HK1: variants seen among roughly 807,000 people sequenced by gnomAD.
HK1 encodes the protein hexokinase 1.
HK1 carries 28 observed loss-of-function variants against 91.6 expected under a neutral mutation model. The observed-to-expected ratio is 0.31, with a 90% CI of 0.23 to 0.42. HK1 has a LOEUF of 0.42. Among genes scored for constraint, HK1 ranks in the 10% least tolerant of loss-of-function variants. The pLI is 1.00. For synonymous variants in HK1, 430 were observed against 468.1 expected (o/e 0.92, Z 1.05); for missense variants, 770 against 1,219.8 (o/e 0.63, Z 5.49).
intron 1 of HK1, among the ~76,000 whole-genome samples, chr10:69,320,928 C>T (rs373327364): frequency 1.1e-4 from 16 of 152,300 alleles, no homozygotes; most frequent in African/African-American, 2.9e-4. Context: ...CCTAGGCCCC[C>T]GTAGGTACCT....
rs886212882 is a variant in HK1 at position 69,299,264 on chromosome 10, G to A, written c.-66-1505G>A. 7.9e-5 allele frequency among the ~76,000 whole-genome samples: 12 copies of A among 151,506 alleles called. 1 individual carries two copies. Among genetic ancestry groups the A allele is most frequent in the African/African-American group, 2.7e-4 (11 of 41,012 alleles). On this transcript the variant is annotated intron_variant, in intron 4 of 21. Coordinates refer to the HK1 transcript ENST00000360289. ...CTTGGCTCACTGCAGCCTCCACCCC[G>A]TGGGCTCAAGTGACCCTCCCACCTG... is the stretch of plus-strand genomic sequence containing the variant.
At chr10:69,300,231 A>C (rs1380026090) in intron 4 of HK1, among the ~76,000 whole-genome samples, 1 of 151,860 alleles carries the variant, frequency 6.6e-6, no homozygotes, top group Non-Finnish European at 1.5e-5. Context: ...CTGTCCTGAC[A>C]GTATCACTAT....
intron 1 of HK1, among the ~76,000 whole-genome samples, chr10:69,331,200 A>T (rs1481768941): frequency 6.6e-6 from 1 of 151,990 alleles, no homozygotes; most frequent in Non-Finnish European, 1.5e-5. Context: ...GTTTCTTTGG[A>T]CCTTCATTTC....
At chr10:69,293,256 C>T (rs1213680996) in intron 3 of HK1, among the ~76,000 whole-genome samples, 1 of 152,150 alleles carries the variant, frequency 6.6e-6, no homozygotes, top group Non-Finnish European at 1.5e-5. Context: ...AGCCAGATGC[C>T]CTGGGCATGT....
At chr10:69,342,435 C>T (rs114184835) in intron 1 of HK1, among the ~76,000 whole-genome samples, 149 of 152,182 alleles carry the variant, frequency 9.8e-4, no homozygotes, top group African/African-American at 3.3e-3. Flanking sequence ...TTGATTTGAA[C>T]CTTGAAGGTT....
At chr10:69,300,412 A>T in intron 4 of HK1, 2 of 640,002 alleles carry the variant, frequency 3.1e-6, no homozygotes, top group Non-Finnish European at 2.7e-6. Context: ...TTTTATTTGT[A>T]AATATGTATA....
rs1845436637 is a variant in HK1, at chr10:69,294,120, C to CA, written c.-114-1510dup. Among the ~76,000 whole-genome samples, 3 of 152,206 alleles carry CA rather than the reference C, an allele frequency of 2.0e-5. No individual in the cohort carries two copies. In the South Asian group the frequency reaches 6.2e-4, roughly 32 times the overall value. On this transcript the variant is annotated intron_variant, in intron 3 of 21. Coordinates refer to the HK1 transcript ENST00000360289. ...TTGTGATCCACCCGCCTCGGCCTCC[C>CA]AAAGTGCTGGGATTACAGGCGTGAG...
chr10:69,360,640 C>A (rs1849372662), intron 3 of HK1, among the ~76,000 whole-genome samples: 2 of 152,196 alleles, frequency 1.3e-5, no homozygotes, highest in Admixed American at 1.3e-4. Context: ...CCACGCTGGG[C>A]CCCCAGGAAG....
At chr10:69,289,588 C>T (rs914651655) in intron 3 of HK1, among the ~76,000 whole-genome samples, 5 of 143,678 alleles carry the variant, frequency 3.5e-5, no homozygotes, top group Non-Finnish European at 7.4e-5. Flanking sequence ...TCTTGTGCCT[C>T]AGCCTCCCTA....
intron 2 of HK1, among the ~76,000 whole-genome samples, chr10:69,347,336 G>A (rs1564530110): frequency 6.6e-6 from 1 of 151,898 alleles, no homozygotes; most frequent in Non-Finnish European, 1.5e-5. Context: ...TCAGAGGGGA[G>A]GCAGGAGACA....
intron 1 of HK1, among the ~76,000 whole-genome samples, chr10:69,280,153 G>T (rs12356717): frequency 4.0e-4 from 61 of 151,800 alleles, no homozygotes; most frequent in Middle Eastern, 3.4e-3. Flanking sequence ...ACAGAGTCTC[G>T]CACTGTCACC....
At chr10:69,355,069 A>AT (rs1849063423) in intron 2 of HK1, among the ~76,000 whole-genome samples, 1 of 26,460 alleles carries the variant, frequency 3.8e-5, no homozygotes, top group Non-Finnish European at 8.1e-5. Flanking sequence ...ACTCCCTCTC[A>AT]AAAAAAAAAA....
At chr10:69,279,194 G>T (rs189545511) in intron 1 of HK1, among the ~76,000 whole-genome samples, 1 of 152,204 alleles carries the variant, frequency 6.6e-6, no homozygotes, top group African/African-American at 2.4e-5. Flanking sequence ...TGAGAGGCAG[G>T]TCTCTGTGTT....
chr10:69,317,964 C>T, upstream of HK1: 1 of 820,018 alleles, frequency 1.2e-6, no homozygotes, highest in Non-Finnish European at 1.5e-6. Context: ...GTAGAAAACA[C>T]GGCACCTGGG....
At chr10:69,398,407 T>G (rs1217961909) in intron 16 of HK1, among the ~76,000 whole-genome samples, 188 bp from the exon 17 acceptor site, 2 of 152,244 alleles carry the variant, frequency 1.3e-5, no homozygotes, top group East Asian at 3.8e-4. Context: ...AGTGAATGGT[T>G]TAGATTTTCC....
chr10:69,399,531 G>A (rs1840293164), intron 17 of HK1, among the ~76,000 whole-genome samples: 1 of 152,088 alleles, frequency 6.6e-6, no homozygotes. Flanking sequence ...AATAGGAAAG[G>A]AGGATAGCCA....
intron 7 of HK1, among the ~76,000 whole-genome samples, chr10:69,374,591 T>G (rs1850188936): frequency 6.6e-6 from 1 of 152,280 alleles, no homozygotes; most frequent in Admixed American, 6.5e-5. Context: ...CCGGTCTCCA[T>G]GAGCCTTGGT....
rs1263168288 is a variant in HK1, at chr10:69,323,507, C to T, written c.63+4497C>T. Among the ~76,000 whole-genome samples, 8 of 122,630 alleles carry T rather than the reference C, an allele frequency of 6.5e-5. No individual in the cohort carries two copies. In the East Asian group the frequency reaches 1.1e-3, roughly 17 times the overall value. The allele number at this position is 122,630 out of a possible 152,430, so 80.5% of individuals were successfully genotyped here. ...CCGTACTCCAGGCTGGATGATAGAG[C>T]GAGACTCTGTCTCAAAAAAAAAAAA... On this transcript the variant is annotated intron_variant, in intron 1 of 17. Coordinates refer to ENST00000359426, the MANE Select transcript of HK1 (RefSeq NM_000188.3).
intron 2 of HK1, among the ~76,000 whole-genome samples, chr10:69,348,983 G>A (rs1241408252): frequency 6.6e-6 from 1 of 152,112 alleles, no homozygotes; most frequent in East Asian, 1.9e-4. Flanking sequence ...GTGGAGAATT[G>A]CCAGTAGCCC....
Sources: allele counts gnomAD v4.1 joint callset (sites outside exome capture counted in the v4.1 genomes callset), GRCh38; gene constraint gnomAD v4.1.1; transcripts MANE v1.5; gene names NCBI Gene and HGNC (gene_info 2026-07-23, HGNC 2026-07-21).